The following CNTN5 variants were observed in gnomAD, a reference collection of about 807,000 sequenced individuals.
CNTN5 encodes the protein contactin 5, also known as contactin-5.
In CNTN5, 77 loss-of-function variants were observed where a neutral mutation model predicts 129.1. The observed-to-expected ratio is 0.60, with a 90% CI of 0.50 to 0.72. CNTN5 has a LOEUF of 0.72. Ranked by LOEUF, CNTN5 falls within the 30% of genes least tolerant of loss-of-function variation. CNTN5 has a pLI of 0.00. For synonymous variants in CNTN5, 509 were observed against 465.6 expected, an observed-to-expected ratio of 1.09 and a Z score of -1.20; for missense variants, 1,478 against 1,328.8, an observed-to-expected ratio of 1.11 and a Z score of -1.75.
At chr11:99,654,598 G>C (rs1952281317) in intron 3 of CNTN5, among the ~76,000 whole-genome samples, 1 of 151,974 alleles carries the variant, frequency 6.6e-6, no homozygotes, top group African/African-American at 2.4e-5. Flanking sequence ...TACTGAGTTG[G>C]GTGAGAAAGA....
intron 3 of CNTN5, among the ~76,000 whole-genome samples, chr11:99,807,350 C>G (rs1306242476): frequency 6.6e-6 from 1 of 152,100 alleles, no homozygotes; most frequent in Non-Finnish European, 1.5e-5. Flanking sequence ...GTAATAGTCA[C>G]AAAGATTTAT....
intron 3 of CNTN5, among the ~76,000 whole-genome samples, chr11:99,598,475 T>G (rs558110478): frequency 6.9e-6 from 1 of 145,336 alleles, no homozygotes; most frequent in South Asian, 2.4e-4. Context: ...CCTTCCTTCT[T>G]TCCTTCCCTT....
intron 3 of CNTN5, among the ~76,000 whole-genome samples, chr11:99,817,596 GTTTTTTTTT>G (rs372057505): frequency 8.0e-5 from 8 of 99,640 alleles, no homozygotes; most frequent in Admixed American, 1.2e-4. Flanking sequence ...GTCTGGGATA[GTTTTTTTTT>G]TTTTTTTTTT....
chr11:99,302,054 C>A (rs1391665914), intron 1 of CNTN5, among the ~76,000 whole-genome samples: 2 of 151,450 alleles, frequency 1.3e-5, no homozygotes, highest in Admixed American at 1.3e-4. Flanking sequence ...CACAATATGT[C>A]AAAACTTGTC....
intron 1 of CNTN5, among the ~76,000 whole-genome samples, chr11:99,250,080 G>C (rs541841934): frequency 2.6e-4 from 40 of 151,868 alleles, no homozygotes; most frequent in Non-Finnish European, 5.2e-4. Flanking sequence ...CACTTCAATA[G>C]GTTCTCAATA....
At chr11:99,455,579 T>G (rs961483217) in intron 2 of CNTN5, among the ~76,000 whole-genome samples, 1 of 152,186 alleles carries the variant, frequency 6.6e-6, no homozygotes, top group East Asian at 1.9e-4. Flanking sequence ...TGGTCAATAG[T>G]GTCACGGAGT....
At chr11:99,301,310 A>G (rs180722609) in intron 1 of CNTN5, among the ~76,000 whole-genome samples, 1 of 63,792 alleles carries the variant, frequency 1.6e-5, no homozygotes, top group Admixed American at 1.4e-4. Context: ...ACTGAACTGA[A>G]AAAAAAAGAT....
intron 1 of CNTN5, among the ~76,000 whole-genome samples, chr11:99,309,681 C>G (rs1043329567): frequency 6.6e-6 from 1 of 152,220 alleles, no homozygotes; most frequent in African/African-American, 2.4e-5. Flanking sequence ...TAAATACCTA[C>G]AGTGAAGCCC....
At chr11:99,435,205 C>A (rs370375506) in intron 2 of CNTN5, among the ~76,000 whole-genome samples, 2 of 152,034 alleles carry the variant, frequency 1.3e-5, no homozygotes, top group Admixed American at 6.6e-5. Context: ...GACAATTCTC[C>A]TGTCAAATTG....
At chr11:99,683,373 T>C in intron 3 of CNTN5, among the ~76,000 whole-genome samples, 1 of 151,914 alleles carries the variant, frequency 6.6e-6, no homozygotes, top group East Asian at 1.9e-4. Flanking sequence ...ACTAATCCAG[T>C]ACTATTTCTT....
chr11:99,898,886 C>G (rs902606709), intron 6 of CNTN5, among the ~76,000 whole-genome samples: 7 of 151,898 alleles, frequency 4.6e-5, no homozygotes, highest in African/African-American at 1.7e-4. Context: ...TACTGAATTA[C>G]TTAGAATTTC....
At chr11:99,514,964 C>T (rs778306340) in intron 2 of CNTN5, among the ~76,000 whole-genome samples, 5 of 151,970 alleles carry the variant, frequency 3.3e-5, no homozygotes, top group Non-Finnish European at 7.4e-5. Flanking sequence ...ATTAGACTTT[C>T]ATCTCATAGC....
At chr11:99,369,773 T>G (rs1939716040) in intron 2 of CNTN5, among the ~76,000 whole-genome samples, 1 of 152,162 alleles carries the variant, frequency 6.6e-6, no homozygotes, top group South Asian at 2.1e-4. Flanking sequence ...ATTGAATACT[T>G]ATATCTGCCA....
At chr11:99,032,067 T>C (rs1390053858) in intron 1 of CNTN5, among the ~76,000 whole-genome samples, 4 of 152,056 alleles carry the variant, frequency 2.6e-5, no homozygotes, top group African/African-American at 4.8e-5. Context: ...ACTTCCAATT[T>C]CATCCACGTC....
intron 12 of CNTN5, among the ~76,000 whole-genome samples, chr11:100,073,885 C>A (rs948251693): frequency 1.3e-5 from 2 of 152,044 alleles, no homozygotes; most frequent in Admixed American, 6.6e-5. Flanking sequence ...AGTTGGTAAT[C>A]ATAATTAGAA....
chr11:99,707,635 T>C (rs1016269957), intron 3 of CNTN5, among the ~76,000 whole-genome samples: 2 of 151,790 alleles, frequency 1.3e-5, no homozygotes, highest in African/African-American at 4.8e-5. Flanking sequence ...CAAATTTACA[T>C]TTGGCTTTGT....
In CNTN5 at chr11:99,887,568, A is replaced by G. The variant is rs566025026; in HGVS notation, c.578-28486A>G. 7.2e-5 allele frequency among the ~76,000 whole-genome samples: 11 copies of G among 152,352 alleles called. No individual in the cohort carries two copies. The South Asian group carries it at 2.1e-3, about 29-fold the overall frequency. The stretch of plus-strand genomic sequence containing the variant: ...CACAATCACAAGGTGAAGTCCCACA[A>G]TAGGCCATCTGCAAACTGAGCAAGG... On this transcript the variant is annotated intron_variant, in intron 6 of 24. Transcript: ENST00000524871.
chr11:100,164,159 A>C (rs1033852171), intron 13 of CNTN5, among the ~76,000 whole-genome samples: 3 of 151,826 alleles, frequency 2.0e-5, no homozygotes, highest in Non-Finnish European at 4.4e-5. Flanking sequence ...TTGAGAGACT[A>C]AGTTTTCATG....
intron 3 of CNTN5, among the ~76,000 whole-genome samples, chr11:99,646,181 G>T (rs1951952695): frequency 6.6e-6 from 1 of 152,112 alleles, no homozygotes; most frequent in South Asian, 2.1e-4. Context: ...TTGTCGGGCA[G>T]CTCATGTCTA....
Sources: allele counts gnomAD v4.1 joint callset (sites outside exome capture counted in the v4.1 genomes callset), GRCh38; gene constraint gnomAD v4.1.1; transcripts MANE v1.5; gene names NCBI Gene and HGNC (gene_info 2026-07-23, HGNC 2026-07-21).